Variants in RYR3 observed in about 807,000 individuals in gnomAD.
RYR3 encodes the protein brain ryanodine receptor-calcium release channel.
RYR3 carries 207 observed loss-of-function variants against 584.3 expected under a neutral mutation model. That is an observed-to-expected ratio of 0.35 (90% CI 0.32 to 0.40). The LOEUF is 0.40. Among genes scored for constraint, RYR3 ranks in the 10% least tolerant of loss-of-function variants. RYR3 has a pLI of 1.00. For synonymous variants in RYR3, 2,416 were observed against 2,248.5 expected (o/e 1.07, Z -2.11); for missense variants, 5,616 against 6,089.2 (o/e 0.92, Z 2.59).
intron 47 of RYR3, among the ~76,000 whole-genome samples, chr15:33,729,686 G>A (rs1471260156): frequency 6.6e-6 from 1 of 151,996 alleles, no homozygotes. Context: ...GCTCAGATAC[G>A]AGATGCCACA....
intron 70 of RYR3, 158 bp downstream of exon 70, chr15:33,807,727 A>G: frequency 1.3e-6 from 1 of 745,356 alleles, no homozygotes; most frequent in South Asian, 1.7e-5. Context: ...CTGCCTGTCA[A>G]AGAGTGAATG....
intron 53 of RYR3, among the ~76,000 whole-genome samples, chr15:33,746,408 T>A (rs2070721713): frequency 6.6e-6 from 1 of 152,216 alleles, no homozygotes; most frequent in Non-Finnish European, 1.5e-5. Context: ...ACTTTGAGGC[T>A]GGGCCAAAAT....
intron 2 of RYR3, among the ~76,000 whole-genome samples, chr15:33,490,041 T>G (rs2572167): frequency 6.6e-6 from 1 of 151,964 alleles, no homozygotes; most frequent in Admixed American, 6.5e-5. Flanking sequence ...AACTTCCTGA[T>G]AATAGAGCAA....
At chr15:33,564,543 ATC>A (rs1335461398) in intron 11 of RYR3, among the ~76,000 whole-genome samples, 1 of 152,226 alleles carries the variant, frequency 6.6e-6, no homozygotes, top group Non-Finnish European at 1.5e-5. Context: ...TTACCAGCCT[ATC>A]AGAAGAAACT....
At chr15:33,686,965 T>A (rs1030694849) in intron 38 of RYR3, among the ~76,000 whole-genome samples, 3 of 151,360 alleles carry the variant, frequency 2.0e-5, no homozygotes, top group Non-Finnish European at 4.4e-5. Context: ...GCCAATATCA[T>A]AATGGGCAGA....
chr15:33,539,199 G>T, intron 5 of RYR3, 151 bp from the exon 6 acceptor site: 1 of 576,802 alleles, frequency 1.7e-6, no homozygotes, highest in Non-Finnish European at 3.2e-6. Context: ...GGGCTGTCTG[G>T]AACGGTTAGA....
intron 16 of RYR3, among the ~76,000 whole-genome samples, chr15:33,598,826 G>A (rs2059522719): frequency 6.6e-6 from 1 of 152,116 alleles, no homozygotes; most frequent in South Asian, 2.1e-4. Context: ...GGCTGAGGCG[G>A]GTGGATCACA....
intron 67 of RYR3, among the ~76,000 whole-genome samples, chr15:33,790,023 A>C (rs1233490173): frequency 3.8e-5 from 3 of 79,832 alleles, no homozygotes; most frequent in Admixed American, 1.7e-4. Context: ...ACAGAGTCTC[A>C]CTCTGTCACC....
chr15:33,843,544 C>T lies in RYR3; in HGVS notation c.13266C>T (p.Phe4422=), dbSNP rs1250303321. The change falls in exon 92 of 104, where the codon TTC becomes TTT. Residue 4422 remains phenylalanine (F), a synonymous_variant. Coordinates refer to ENST00000634891, the MANE Select transcript of RYR3 (RefSeq NM_001036.6). ...NLRFLALFVA[F]AINFILLFYK... ...GGTTCCTTGCTCTGTTTGTAGCCTT[C>T]GCTATCAACTTCATCCTGCTTTTTT... 3 of 1,599,956 alleles carry T rather than the reference C, an allele frequency of 1.9e-6. No homozygotes were observed. The highest frequency in any genetic ancestry group is 1.7e-6 in the Non-Finnish European group (2 of 1,172,628).
chr15:33,824,411 A>G (rs907147465), intron 81 of RYR3, among the ~76,000 whole-genome samples: 1 of 152,214 alleles, frequency 6.6e-6, no homozygotes, highest in African/African-American at 2.4e-5. Context: ...GAATGGAGTG[A>G]GTAAGGATCA....
intron 9 of RYR3, 78 bp from the exon 10 acceptor site, chr15:33,550,082 G>A (rs2056561855): frequency 7.0e-7 from 1 of 1,436,846 alleles, no homozygotes; most frequent in Non-Finnish European, 9.4e-7. Flanking sequence ...GCTAGCATGT[G>A]TAAGAAAGCA....
intron 1 of RYR3, among the ~76,000 whole-genome samples, chr15:33,451,222 G>A (rs1228599339): frequency 6.6e-6 from 1 of 152,144 alleles, no homozygotes; most frequent in Non-Finnish European, 1.5e-5. Context: ...ATAAATGGTG[G>A]CTTCCTTCCA....
In RYR3 at chr15:33,631,302, T is replaced by C. The variant is rs1471552452; in HGVS notation, c.2867+9T>C. ...GTCAAACTGCCCAAAAAGTAGGTGA[T>C]TTTTTTTTTAATGGTTCAAGACTTT... On this transcript the variant is annotated intron_variant, in intron 23 of 103. Transcript: ENST00000634891. 7.8e-7 allele frequency: 1 copy of C among 1,282,978 alleles called. No individual in the cohort carries two copies. The allele number at this position is 1,282,978 out of a possible 1,614,324, so 79.5% of individuals were successfully genotyped here. A position where few individuals can be genotyped will look rare whatever the true frequency, so the allele number is the denominator to read the frequency against.
intron 11 of RYR3, among the ~76,000 whole-genome samples, chr15:33,565,578 T>G (rs1035604033): frequency 2.6e-5 from 4 of 152,130 alleles, no homozygotes; most frequent in African/African-American, 9.7e-5. Context: ...CTATAGATAT[T>G]TTCTAGAGCC....
chr15:33,552,405 C>G (rs2056749962), intron 10 of RYR3, among the ~76,000 whole-genome samples: 1 of 152,106 alleles, frequency 6.6e-6, no homozygotes, highest in Non-Finnish European at 1.5e-5. Context: ...TATGGAGAAG[C>G]AAGCAGCGCA....
rs2079460084 is a variant in RYR3 at position 33,854,673 on chromosome 15, C to A, written c.13861-93C>A. 7 of 1,486,600 alleles carry A rather than the reference C, an allele frequency of 4.7e-6. No individual in the cohort carries two copies. In the South Asian group the frequency reaches 5.3e-5, roughly 11 times the overall value. 92.1% of individuals were successfully genotyped at this position (1,486,600 alleles called of 1,614,324 possible). The stretch of plus-strand genomic sequence containing the variant: ...ACCTCAGCACCTAAACCCCCTCTAT[C>A]CTCAGTGTGTCTCCCAAAATAAGAA... On this transcript the variant is annotated intron_variant, in intron 97 of 103. Transcript: ENST00000634891.
intron 1 of RYR3, among the ~76,000 whole-genome samples, chr15:33,408,047 G>A (rs1018788267): frequency 6.6e-6 from 1 of 151,800 alleles, no homozygotes; most frequent in African/African-American, 2.4e-5. Context: ...TTAGATTCTG[G>A]GGGTATGTAT....
chr15:33,653,449 A>T (rs1019932910), intron 32 of RYR3, among the ~76,000 whole-genome samples: 2 of 151,922 alleles, frequency 1.3e-5, no homozygotes. Context: ...AGGCGGGGGG[A>T]TCATGAGGTC....
At position 33,696,460 on chromosome 15, in the gene RYR3, G is replaced by A. The variant is rs770680947; in HGVS notation, c.6103G>A (p.Glu2035Lys). Residue 2035 changes from glutamate (E) to lysine (K), a missense_variant, in exon 39 of 104, where the codon GAA becomes AAA. Coordinates refer to ENST00000634891, the MANE Select transcript of RYR3 (RefSeq NM_001036.6). ...RSLLSVRMGK[E>K]EELLMINGLG... ...CCTCCTCAGTGTCAGGATGGGCAAG[G>A]AAGAGGAGTTGCTCATGATCAATGG... 34 of 1,614,004 alleles carry A rather than the reference G, an allele frequency of 2.1e-5. No homozygotes were observed. The highest frequency in any genetic ancestry group is 2.9e-5 in the Non-Finnish European group (34 of 1,179,896).
Sources: allele counts gnomAD v4.1 joint callset (sites outside exome capture counted in the v4.1 genomes callset), GRCh38; gene constraint gnomAD v4.1.1; transcripts MANE v1.5; gene names NCBI Gene and HGNC (gene_info 2026-07-23, HGNC 2026-07-21).